The following PLEC variants were observed in gnomAD, a reference collection of about 807,000 sequenced individuals.
The protein encoded by PLEC is hemidesmosomal protein 1.
PLEC carries 216 observed loss-of-function variants against 392.8 expected under a neutral mutation model. The observed-to-expected ratio is 0.55, with a 90% CI of 0.49 to 0.62. The LOEUF (loss-of-function observed/expected upper bound fraction) is 0.62. PLEC is among the 20% of genes least tolerant of loss of function. The pLI is 0.00. For synonymous variants in PLEC, 3,621 were observed against 2,980.6 expected (o/e 1.21, Z -7.00); for missense variants, 6,863 against 6,563.4 (o/e 1.05, Z -1.58).
chr8:143,922,593 C>G lies in PLEC; in HGVS notation c.7336G>C (p.Glu2446Gln), dbSNP rs376827900. The G allele has an allele frequency of 1.2e-6, 2 of 1,613,466 alleles. No individual in the cohort carries two copies. Among genetic ancestry groups the G allele is most frequent in the South Asian group, 1.1e-5 (1 of 91,046 alleles). Reference protein sequence around the residue: ...IQRQQSDHDAERLREAIAELE... With the variant: ...IQRQQSDHDAQRLREAIAELE... ...TCAGCGATGGCCTCCCGCAGGCGCT[C>G]GGCATCATGGTCACTCTGCTGTCGC... is the stretch of plus-strand genomic sequence containing the variant. The change falls in exon 31 of 32, where the codon GAG (glutamate) becomes CAG (glutamine). Residue 2446 changes from glutamate to glutamine, a missense_variant. Glu to Gln is a conservative substitution (Grantham distance 29). Coordinates refer to ENST00000345136, the MANE Select transcript of PLEC (RefSeq NM_201384.3).
At position 143,938,655 on chromosome 8, in the gene PLEC, C is replaced by T. The variant is rs1829736075; in HGVS notation, c.150G>A (p.Lys50=). 6.2e-7 allele frequency: 1 copy of T among 1,613,902 alleles called. No individual in the cohort carries two copies. The highest frequency in any genetic ancestry group is 8.5e-7 in the Non-Finnish European group (1 of 1,179,970). Residue 50 remains lysine, a synonymous_variant, in exon 2 of 32, where the codon AAG becomes AAA. Transcript: ENST00000345136. The part of the protein sequence containing the change: ...RDRVQKKTFT[K]WVNKHLIKAQ... ...CCTTGATGAGGTGCTTGTTGACCCA[C>T]TTGGTGAAGGTTTTCTTCTGCACAC...
rs1554716054 is a variant in PLEC, at chr8:143,932,008, G to A, written c.2107C>T (p.Gln703Ter). 7 of 1,604,836 alleles carry A rather than the reference G, an allele frequency of 4.4e-6. No individual in the cohort carries two copies. The highest frequency in any genetic ancestry group is 1.3e-5 in the African/African-American group (1 of 74,820). ...CACAGCTGTAGCATCCAGCTCCACT[G>A]CGTCTGCAGGGCCGCCTGGAAGGAC... ...VESFQAALQT[Q>*]WSWMLQLCCC... The change falls in exon 18 of 32, where the codon CAG becomes TAG. Residue 703 changes from glutamine to a stop codon, truncating the protein, a stop_gained. Transcript: ENST00000345136. LOFTEE classifies it high-confidence loss of function.
At chr8:143,931,327 C>T (rs1250062092) in intron 19 of PLEC, among the ~76,000 whole-genome samples, 2 of 107,786 alleles carry the variant, frequency 1.9e-5, no homozygotes, top group Non-Finnish European at 4.8e-5. Context: ...CTCCTGCTGG[C>T]CCCTCCAGTT....
Position 143,961,355 on chromosome 8 carries a change from A to G in PLEC, c.70+12048T>C, listed in dbSNP as rs189067791. 1.4e-3 allele frequency among the ~76,000 whole-genome samples: 214 copies of G among 152,064 alleles called. 3 individuals carry two copies. Among genetic ancestry groups the G allele is most frequent in the African/African-American group, 4.8e-3 (200 of 41,476 alleles). ...ATTCTCCTGCCTCAGCCTCCTGCGT[A>G]GCGGGGATTACAGGCGTGCACCACC... On this transcript the variant is annotated intron_variant, in intron 1 of 31. Coordinates refer to the PLEC transcript ENST00000356346.
At chr8:143,932,333 T>C (rs1827584302) in intron 16 of PLEC, 67 bp downstream of exon 16, 2 of 1,606,680 alleles carry the variant, frequency 1.2e-6, no homozygotes, top group African/African-American at 1.3e-5. Context: ...TCTCTGACCA[T>C]AGGGGACGGC....
rs1418281109 is a variant in PLEC, at chr8:143,934,683, G to C, written c.993C>G (p.Ala331=). Reference sequence around the variant, plus strand: ...TGGACCTGTTCTTGTCGGCCTCCTTGGCTGGTAGCTCCATCTCCTTAAACT... The same window carrying C: ...TGGACCTGTTCTTGTCGGCCTCCTTCGCTGGTAGCTCCATCTCCTTAAACT... ...FLKFKEMELP[A]KEADKNRSKG... Residue 331 remains alanine (A), a synonymous_variant, in exon 10 of 32, where the codon GCC becomes GCG. Transcript: ENST00000345136. 4.3e-6 allele frequency: 7 copies of C among 1,612,878 alleles called. No homozygotes were observed. The highest frequency in any genetic ancestry group is 5.1e-6 in the Non-Finnish European group (6 of 1,179,966).
At chr8:143,927,178 G>A (rs7815906) in intron 28 of PLEC, 74 bp downstream of exon 28, 228 of 1,575,644 alleles carry the variant, frequency 1.4e-4, no homozygotes, top group Non-Finnish European at 1.9e-4. Flanking sequence ...GCATGGCCCA[G>A]GCTCAGGGAA....
chr8:143,976,639 C>G (rs1554746108), upstream of PLEC: 2 of 152,388 alleles, frequency 1.3e-5, no homozygotes, highest in Admixed American at 1.3e-4. Context: ...GACCGCCCCC[C>G]GACCCCCACC....
In PLEC at chr8:143,922,532, GCCT is replaced by G. The variant is rs1249941021; in HGVS notation, c.7394_7396del (p.Glu2465del). ...CTCAGACTTGAGCTGCAGCAGTTTG[GCCT>G]CCTGTTGGAGCTTCTCCTTCTCACG... On this transcript the variant is annotated inframe_deletion, in exon 31 of 32. Transcript: ENST00000345136. The G allele has an allele frequency of 1.9e-6, 3 of 1,611,548 alleles. No individual in the cohort carries two copies. In the African/African-American group the frequency reaches 4.0e-5, roughly 22 times the overall value.
upstream of PLEC, chr8:143,942,453 C>A: frequency 6.2e-7 from 1 of 1,601,980 alleles, no homozygotes; most frequent in Non-Finnish European, 8.5e-7. Context: ...CCCCGTCCAG[C>A]CAGCACGGCC....
rs930480384 is a variant in PLEC, at chr8:143,937,139, G to A, written c.342+26C>T. ...TGGCTTGGTGAGGGGTCTGGGTGGG[G>A]CCCAGGGCCTGCCGGGCAGCCTTAC... On this transcript the variant is annotated intron_variant, in intron 4 of 31. Transcript: ENST00000345136. 10 of 1,608,848 alleles carry A rather than the reference G, an allele frequency of 6.2e-6. No individual in the cohort carries two copies. The African/African-American group carries it at 1.1e-4, about 17-fold the overall frequency.
rs1554712037 is a variant in PLEC, at chr8:143,929,793, G to A, written c.2776C>T (p.Leu926=). The stretch of plus-strand genomic sequence containing the variant: ...TGGTAGTGCAGCTCCAGGCTGTGCA[G>A]GGCTTGGCGCTGCTCCTCTGGCTTC... ...TLKPEEQRQA[L]HSLELHYQAF... The change falls in exon 23 of 32, where the codon CTG becomes TTG. Residue 926 remains leucine (L), a synonymous_variant. Coordinates refer to ENST00000345136, the MANE Select transcript of PLEC (RefSeq NM_201384.3). The A allele has an allele frequency of 6.3e-7, 1 of 1,599,902 alleles. No individual in the cohort carries two copies. Among genetic ancestry groups the A allele is most frequent in the Non-Finnish European group, 8.5e-7 (1 of 1,178,706 alleles).
chr8:143,934,403 G>A lies in PLEC; in HGVS notation c.1084C>T (p.His362Tyr). The A allele has an allele frequency of 6.2e-7, 1 of 1,612,316 alleles. No individual in the cohort carries two copies. The highest frequency in any genetic ancestry group is 8.5e-7 in the Non-Finnish European group (1 of 1,179,900). ...CACTCCTTCTCCACATCCAGCGGGT[G>A]GTAGCCAGGGGGCACCTTGAGCTGG... ...AGQLKVPPGY[H>Y]PLDVEKEWGK... is the part of the protein sequence containing the mutation. The change falls in exon 11 of 32, where the codon CAC becomes TAC. Residue 362 changes from histidine (H) to tyrosine (Y), a missense_variant. Transcript: ENST00000345136.
rs62522556 is a variant in PLEC at position 143,931,282 on chromosome 8, T to C, written c.2304+252A>G. On this transcript the variant is annotated intron_variant, in intron 19 of 31. Transcript: ENST00000345136. ...CCCACATCCTGCCTCATTCCCCCCT[T>C]GGCTGACCTCTACACCTCCCATGGT... 0.14 allele frequency among the ~76,000 whole-genome samples: 14,047 copies of C among 103,286 alleles called. 354 individuals carry two copies. Among genetic ancestry groups the C allele is most frequent in the Non-Finnish European group, 0.19 (7,798 of 40,332 alleles). The allele number at this position is 103,286 out of a possible 152,430, so 67.8% of individuals were successfully genotyped here.
upstream of PLEC, chr8:143,973,671 G>A: frequency 5.2e-6 from 2 of 388,008 alleles, no homozygotes; most frequent in Non-Finnish European, 7.0e-6. The surrounding 1 kb of genome is among the most constrained non-coding windows in gnomAD (Gnocchi z 5.6). Context: ...GGCCCCTCCC[G>A]GCGGGCCGGT....
rs538946177 is a variant in PLEC, at chr8:143,947,978, TC to T, written c.523+2205del. 2.0e-5 allele frequency among the ~76,000 whole-genome samples: 3 copies of T among 152,226 alleles called. No individual in the cohort carries two copies. In the South Asian group the frequency reaches 6.2e-4, roughly 32 times the overall value. ...TCCCTGATTGCTTCTGAAGCCACCT[TC>T]CCATCACGCTCTCCTCACCCAGTTC... On this transcript the variant is annotated intron_variant, in intron 1 of 31. Transcript: ENST00000322810.
In PLEC at chr8:143,915,986, TGGGCCAGC is replaced by T; in HGVS notation, c.*183_*190del. ...GAGGGGGTGAGGCGGCCAGCAGGGC[TGGGCCAGC>T]CCTGTCCCCCAAGATACAGGCTGTC... is the stretch of plus-strand genomic sequence containing the variant. On this transcript the variant is annotated 3_prime_UTR_variant, in exon 32 of 32. Transcript: ENST00000345136. The T allele has an allele frequency of 2.1e-6, 1 of 478,426 alleles. No homozygotes were observed. Among genetic ancestry groups the T allele is most frequent in the South Asian group, 3.2e-5 (1 of 31,206 alleles). The allele number at this position is 478,426 out of a possible 1,614,324, so 29.6% of individuals were successfully genotyped here. A position where few individuals can be genotyped will look rare whatever the true frequency, so the allele number is the denominator to read the frequency against.
In PLEC at chr8:143,925,516, A is replaced by C; in HGVS notation, c.4413T>G (p.Ala1471=). The part of the protein sequence containing the change: ...LEATERQRGG[A]EGELQALRAR... ...CACGCAGTGCCTGCAGCTCCCCCTC[A>C]GCCCCGCCACGCTGGCGCTCGGTGG... The change falls in exon 31 of 32, where the codon GCT becomes GCG. Residue 1471 remains alanine, a synonymous_variant. Coordinates refer to ENST00000345136, the MANE Select transcript of PLEC (RefSeq NM_201384.3). The C allele has an allele frequency of 6.3e-7, 1 of 1,593,968 alleles. No homozygotes were observed. The highest frequency in any genetic ancestry group is 1.1e-5 in the South Asian group (1 of 90,692).
chr8:143,950,780 G>T, exon 1 of PLEC: 1 of 1,530,298 alleles, frequency 6.5e-7, no homozygotes, highest in African/African-American at 1.4e-5. Flanking sequence ...CCGGGGCGCT[G>T]CGAGAAGCTC....
Sources: gnomAD v4.1 joint callset for allele counts (sites outside exome capture counted in the v4.1 genomes callset) on GRCh38, gnomAD v4.1.1 for gene constraint, Gnocchi (gnomAD v3.1) non-coding constraint, MANE v1.5 for transcripts, NCBI Gene and HGNC (gene_info 2026-07-23, HGNC 2026-07-21) for gene names.